The following LRPPRC variants were observed in gnomAD, a reference collection of about 807,000 sequenced individuals.
The protein encoded by LRPPRC is leucine-rich PPR motif-containing protein, mitochondrial.
LRPPRC carries 120 observed loss-of-function variants against 180.3 expected under a neutral mutation model. That is an observed-to-expected ratio of 0.67 (90% CI 0.57 to 0.77). LRPPRC has a LOEUF of 0.77. Among genes scored for constraint, LRPPRC ranks in the 30% least tolerant of loss-of-function variants. The pLI is 0.00. For synonymous variants in LRPPRC, 723 were observed against 600.0 expected (o/e 1.21, Z -3.00); for missense variants, 2,012 against 1,657.2 (o/e 1.21, Z -3.72).
At position 43,977,226 on chromosome 2, in the gene LRPPRC, G is replaced by T; in HGVS notation, c.520C>A (p.Gln174Lys). 6.2e-7 allele frequency: 1 copy of T among 1,600,704 alleles called. No homozygotes were observed. Among genetic ancestry groups the T allele is most frequent in the South Asian group, 1.1e-5 (1 of 90,858 alleles). The change falls in exon 4 of 38, where the codon CAA (glutamine) becomes AAA (lysine). Residue 174 changes from glutamine to lysine, a missense_variant. Transcript: ENST00000260665. Reference sequence around the variant, plus strand: ...GTTGGTGAGAATTTATATTCATTTTGAAGATAGACTTTAAGTAAAGCATTA... The same window carrying T: ...GTTGGTGAGAATTTATATTCATTTTTAAGATAGACTTTAAGTAAAGCATTA... ...HYNALLKVYL[Q>K]NEYKFSPTDF...
In LRPPRC at chr2:43,897,459, C is replaced by G. The variant is rs545214420; in HGVS notation, c.3826-751G>C. Among the ~76,000 whole-genome samples the G allele has an allele frequency of 2.6e-4, 39 of 152,022 alleles. 1 individual carries two copies. The highest frequency in any genetic ancestry group is 8.5e-4 in the African/African-American group (35 of 41,384). On this transcript the variant is annotated intron_variant, in intron 34 of 37. Coordinates refer to ENST00000260665, the MANE Select transcript of LRPPRC (RefSeq NM_133259.4). ...CTTTAAAACACTGTCAATACTAAAACGAATGGTATAAAAAGAACTTTTTGG... is the reference window on the plus strand; with the variant it reads ...CTTTAAAACACTGTCAATACTAAAAGGAATGGTATAAAAAGAACTTTTTGG...
At chr2:43,939,348 A>ATT (rs111823696) in intron 23 of LRPPRC, among the ~76,000 whole-genome samples, 2 of 152,030 alleles carry the variant, frequency 1.3e-5, no homozygotes, top group African/African-American at 2.4e-5. Flanking sequence ...ACAAATATTG[A>ATT]TTTTTTTTAT....
At chr2:43,904,469 A>T (rs1392414443) in intron 31 of LRPPRC, 2 of 151,842 alleles carry the variant, frequency 1.3e-5, no homozygotes, top group African/African-American at 4.8e-5. Context: ...GAGGTGGGAG[A>T]ATTATTTGAG....
intron 11 of LRPPRC, among the ~76,000 whole-genome samples, chr2:43,966,006 T>C (rs1217294931): frequency 1.3e-5 from 2 of 152,166 alleles, no homozygotes; most frequent in African/African-American, 4.8e-5. Flanking sequence ...ATCACTATCT[T>C]GAAGAAACAT....
In LRPPRC at chr2:43,982,268, G is replaced by C. The variant is rs77326691; in HGVS notation, c.316C>G (p.Gln106Glu). ...RTGRIPKKLL[Q>E]KVFNDTCRSG... is the part of the protein sequence containing the mutation. ...CGGCAGGTATCATTAAAAACTTTTTGTAGAAGCTTCTTTGGAATGCGGCCA... is the reference window on the plus strand; with the variant it reads ...CGGCAGGTATCATTAAAAACTTTTTCTAGAAGCTTCTTTGGAATGCGGCCA... Residue 106 changes from glutamine to glutamate, a missense_variant, in exon 2 of 38, where the codon CAA becomes GAA. Physicochemically the swap from Gln to Glu is conservative, Grantham distance 29 (BLOSUM62 2). Coordinates refer to ENST00000260665, the MANE Select transcript of LRPPRC (RefSeq NM_133259.4). The C allele has an allele frequency of 1.9e-6, 3 of 1,573,278 alleles. No homozygotes were observed. In the African/African-American group the frequency reaches 4.1e-5, roughly 22 times the overall value.
chr2:43,948,437 T>G lies in LRPPRC; in HGVS notation c.1817A>C (p.Gln606Pro), dbSNP rs1672777035. The stretch of plus-strand genomic sequence containing the variant: ...CATCTTCTCCAGCTGATGGAAGTAT[T>G]GTCTCAAATGCTCCTCCTTGGCCTG... The part of the protein sequence containing the change: ...EVQAKEEHLR[Q>P]YFHQLEKMNV... The change falls in exon 17 of 38, where the codon CAA becomes CCA. Residue 606 changes from glutamine to proline, a missense_variant. Transcript: ENST00000260665. 1.2e-6 allele frequency: 2 copies of G among 1,612,272 alleles called. No individual in the cohort carries two copies. The highest frequency in any genetic ancestry group is 1.7e-6 in the Non-Finnish European group (2 of 1,178,328).
intron 34 of LRPPRC, among the ~76,000 whole-genome samples, chr2:43,897,807 G>A (rs1247786206): frequency 2.0e-5 from 3 of 152,088 alleles, no homozygotes; most frequent in Admixed American, 6.5e-5. Flanking sequence ...CTTGATTATG[G>A]CAGAGAACAA....
chr2:43,897,733 G>GA (rs1670735947), intron 34 of LRPPRC, among the ~76,000 whole-genome samples: 1 of 151,726 alleles, frequency 6.6e-6, no homozygotes, highest in Admixed American at 6.6e-5. Context: ...CTTTCTGAGG[G>GA]AGCAGGCGCC....
chr2:43,903,875 G>C (rs775447646), intron 31 of LRPPRC: 1 of 152,114 alleles, frequency 6.6e-6, no homozygotes, highest in African/African-American at 2.4e-5. Flanking sequence ...TATATGGCGA[G>C]CAAGTTTAAC....
In LRPPRC at chr2:43,943,697, G is replaced by C; in HGVS notation, c.2494C>G (p.His832Asp). Residue 832 changes from histidine (H) to aspartate (D), a missense_variant, in exon 23 of 38, where the codon CAC becomes GAC. His to Asp is a moderately conservative substitution (Grantham distance 81). Coordinates refer to ENST00000260665, the MANE Select transcript of LRPPRC (RefSeq NM_133259.4). ...TNISFPLVTV[H>D]LEKGDLSTAL... ...ATTCAATTAACTTACTTTTCCAAGT[G>C]TACAGTGACCAATGGGAAACTTATG... 1 of 1,612,364 alleles carries C rather than the reference G, an allele frequency of 6.2e-7. No individual in the cohort carries two copies. Among genetic ancestry groups the C allele is most frequent in the South Asian group, 1.1e-5 (1 of 91,044 alleles).
chr2:43,911,608 C>G (rs1022470798), intron 30 of LRPPRC, among the ~76,000 whole-genome samples: 4 of 146,730 alleles, frequency 2.7e-5, no homozygotes, highest in African/African-American at 1.0e-4. Context: ...CTCAACGCAA[C>G]CTCCACCTCC....
chr2:43,898,863 T>A (rs550889482), intron 34 of LRPPRC, among the ~76,000 whole-genome samples: 16 of 152,084 alleles, frequency 1.1e-4, no homozygotes, highest in Admixed American at 5.2e-4. Flanking sequence ...ATTTGAGAAA[T>A]TAAAGTAGAA....
At chr2:43,965,018 T>C (rs76453754) in intron 11 of LRPPRC, among the ~76,000 whole-genome samples, 7,100 of 152,234 alleles carry the variant, frequency 0.047, 228 homozygotes, top group Middle Eastern at 0.092. Context: ...TTGTCTTTTT[T>C]TGAGACTGAA....
chr2:43,936,752 C>G (rs1672292563), intron 23 of LRPPRC, among the ~76,000 whole-genome samples: 1 of 152,188 alleles, frequency 6.6e-6, no homozygotes, highest in Non-Finnish European at 1.5e-5. Context: ...TGGCACCCCA[C>G]AGAGTCATTT....
chr2:43,915,232 T>TCTCTCTCACACACA (rs1174216406), intron 29 of LRPPRC, among the ~76,000 whole-genome samples: 1 of 51,838 alleles, frequency 1.9e-5, no homozygotes, highest in Non-Finnish European at 3.5e-5. Context: ...TCTCTCTCTC[T>TCTCTCTCACACACA]CACACACACA....
intron 36 of LRPPRC, 79 bp from the exon 37 acceptor site, chr2:43,889,955 G>T: frequency 9.7e-7 from 1 of 1,029,436 alleles, no homozygotes; most frequent in Non-Finnish European, 1.5e-6. Context: ...GCCACTCAGG[G>T]ACGGCTGGAT....
chr2:43,926,098 C>G lies in LRPPRC; in HGVS notation c.2737-137G>C, dbSNP rs947182110. 1.3e-4 allele frequency: 78 copies of G among 616,442 alleles called. No individual in the cohort carries two copies. In the African/African-American group the frequency reaches 1.3e-3, roughly 11 times the overall value. The allele number at this position is 616,442 out of a possible 1,614,324, so 38.2% of individuals were successfully genotyped here. A position where few individuals can be genotyped will look rare whatever the true frequency, so the allele number is the denominator to read the frequency against. On this transcript the variant is annotated intron_variant, in intron 25 of 37. Coordinates refer to ENST00000260665, the MANE Select transcript of LRPPRC (RefSeq NM_133259.4). ...AAACTTATATACTAAACTATATATA[C>G]TAGTATACAATCTATATACTAAATT... is the stretch of plus-strand genomic sequence containing the variant.
At chr2:43,906,163 ATCT>A (rs1235594010) in intron 30 of LRPPRC, among the ~76,000 whole-genome samples, 5 of 152,316 alleles carry the variant, frequency 3.3e-5, no homozygotes, top group South Asian at 2.1e-4. Flanking sequence ...AAATGTAAAA[ATCT>A]TCTTCCAGAA....
chr2:43,974,853 A>C (rs909935563), intron 7 of LRPPRC, 95 bp from the exon 8 acceptor site: 1 of 1,273,084 alleles, frequency 7.9e-7, no homozygotes, highest in Non-Finnish European at 1.1e-6. Context: ...AAACTAGGGA[A>C]AAATACCACC....
Sources: allele counts gnomAD v4.1 joint callset (sites outside exome capture counted in the v4.1 genomes callset), GRCh38; gene constraint gnomAD v4.1.1; transcripts MANE v1.5; gene names NCBI Gene and HGNC (gene_info 2026-07-23, HGNC 2026-07-21).